BORCS5: variants seen among roughly 807,000 people sequenced by gnomAD.
BORCS5 encodes BLOC-1-related complex subunit 5.
BORCS5 carries 17 observed loss-of-function variants against 22.1 expected under a neutral mutation model. That is an observed-to-expected ratio of 0.77 (90% CI 0.53 to 1.15). BORCS5 has a LOEUF of 1.15. Among genes scored for constraint, BORCS5 ranks in the 50% most tolerant of loss-of-function variants. The pLI is 0.00. For synonymous variants in BORCS5, 117 were observed against 99.8 expected, an observed-to-expected ratio of 1.17 and a Z score of -1.03; for missense variants, 247 against 253.2, an observed-to-expected ratio of 0.98 and a Z score of 0.17.
intron 2 of BORCS5, among the ~76,000 whole-genome samples, chr12:12,388,702 C>T (rs796532844): frequency 5.6e-5 from 8 of 142,880 alleles, no homozygotes; most frequent in African/African-American, 1.7e-4. Context: ...ATCTGTGAGT[C>T]TGGTCTGAGG....
chr12:12,443,901 G>A (rs1213149614), intron 3 of BORCS5, among the ~76,000 whole-genome samples: 1 of 152,128 alleles, frequency 6.6e-6, no homozygotes. Context: ...AGTGTCAGAG[G>A]TCCCATGCAG....
chr12:12,454,177 A>G (rs1371934764), intron 3 of BORCS5, among the ~76,000 whole-genome samples: 1 of 152,184 alleles, frequency 6.6e-6, no homozygotes, highest in East Asian at 1.9e-4. Flanking sequence ...CATATAATTT[A>G]CTTCTCTTGG....
intron 3 of BORCS5, among the ~76,000 whole-genome samples, chr12:12,445,123 A>G (rs1942757017): frequency 6.6e-6 from 1 of 152,176 alleles, no homozygotes; most frequent in African/African-American, 2.4e-5. Context: ...AGCTTCCGGT[A>G]GCCTCAAACT....
chr12:12,413,526 C>T (rs1219561236), intron 2 of BORCS5, among the ~76,000 whole-genome samples: 2 of 149,206 alleles, frequency 1.3e-5, no homozygotes, highest in African/African-American at 5.0e-5. Context: ...GTTTTTTCCC[C>T]ACCCTTCCTG....
intron 3 of BORCS5, chr12:12,452,460 T>C: frequency 3.9e-6 from 2 of 508,172 alleles, no homozygotes; most frequent in South Asian, 1.5e-5. Context: ...CCATGATTGT[T>C]AAGATTAGGA....
intron 3 of BORCS5, among the ~76,000 whole-genome samples, chr12:12,438,819 G>A (rs1180462734): frequency 6.6e-6 from 1 of 152,004 alleles, no homozygotes; most frequent in Non-Finnish European, 1.5e-5. Flanking sequence ...AAATATTTAA[G>A]TATATATCTT....
rs188500305 is a variant in BORCS5, at chr12:12,383,020, T to C, written c.202+21671T>C. ...TATTGATCTGGTTAGATTTGCCTTT[T>C]TATTATTTCTTTTCTATACATTCTT... On this transcript the variant is annotated intron_variant, in intron 2 of 3. Coordinates refer to ENST00000314565, the MANE Select transcript of BORCS5 (RefSeq NM_058169.6). Among the ~76,000 whole-genome samples, 104 of 151,592 alleles carry C rather than the reference T, an allele frequency of 6.9e-4. 4 individuals are homozygous for C. The highest frequency in any genetic ancestry group is 2.5e-3 in the African/African-American group (104 of 41,332).
At chr12:12,428,875 A>G (rs1942353779) in intron 2 of BORCS5, among the ~76,000 whole-genome samples, 1 of 152,222 alleles carries the variant, frequency 6.6e-6, no homozygotes, top group Non-Finnish European at 1.5e-5. Context: ...TTTCATAATA[A>G]AGGGTAAAGC....
In BORCS5 at chr12:12,463,417, G is replaced by C. The variant is rs537517318; in HGVS notation, c.361-2129G>C. The stretch of plus-strand genomic sequence containing the variant: ...ATGTGATCTAGTCTTCTTTAATGCA[G>C]TGCCACGTGCCAACAAAAGTCTCAT... On this transcript the variant is annotated intron_variant, in intron 3 of 3. Transcript: ENST00000314565. 1.2e-4 allele frequency among the ~76,000 whole-genome samples: 19 copies of C among 152,292 alleles called. 1 individual carries two copies. Among genetic ancestry groups the C allele is most frequent in the Admixed American group, 1.2e-3 (19 of 15,298 alleles).
chr12:12,399,057 C>G (rs1349044013), intron 2 of BORCS5, among the ~76,000 whole-genome samples: 1 of 152,124 alleles, frequency 6.6e-6, no homozygotes, highest in Non-Finnish European at 1.5e-5. Context: ...GAGAGGCCTT[C>G]CTTCTTCCAG....
At chr12:12,388,129 G>T (rs7300993) in intron 2 of BORCS5, among the ~76,000 whole-genome samples, 15,807 of 151,280 alleles carry the variant, frequency 0.1, 1,319 homozygotes, top group East Asian at 0.23. Context: ...TTTGGTATCT[G>T]ATTATCAGTA....
chr12:12,366,587 CTG>C (rs1863411376), intron 2 of BORCS5, among the ~76,000 whole-genome samples: 1 of 152,120 alleles, frequency 6.6e-6, no homozygotes, highest in African/African-American at 2.4e-5. Context: ...CTACAAATGG[CTG>C]TGACAGAACA....
chr12:12,405,972 A>G (rs1388098637), intron 2 of BORCS5, among the ~76,000 whole-genome samples: 1 of 152,222 alleles, frequency 6.6e-6, no homozygotes, highest in Non-Finnish European at 1.5e-5. Context: ...CATGCCACAG[A>G]ACTGAGCCAC....
intron 2 of BORCS5, among the ~76,000 whole-genome samples, chr12:12,389,575 T>C (rs1436053433): frequency 1.3e-5 from 2 of 152,170 alleles, no homozygotes; most frequent in Non-Finnish European, 2.9e-5. Flanking sequence ...CCAATTCTGA[T>C]GCAGGTATGA....
At chr12:12,383,678 A>G (rs1863820947) in intron 2 of BORCS5, among the ~76,000 whole-genome samples, 1 of 149,954 alleles carries the variant, frequency 6.7e-6, no homozygotes, top group Admixed American at 6.6e-5. Flanking sequence ...AGCACTTTAT[A>G]TATGCCATTC....
At chr12:12,374,420 C>T (rs796763681) in intron 2 of BORCS5, among the ~76,000 whole-genome samples, 2 of 150,126 alleles carry the variant, frequency 1.3e-5, no homozygotes, top group African/African-American at 4.9e-5. Context: ...ATTACTTGAG[C>T]CCAGAAGTTT....
At chr12:12,395,067 C>T (rs894001987) in intron 2 of BORCS5, among the ~76,000 whole-genome samples, 4 of 151,768 alleles carry the variant, frequency 2.6e-5, no homozygotes, top group African/African-American at 7.3e-5. Context: ...TTGAGCTGAA[C>T]CTAAAAGGAC....
chr12:12,368,836 A>G (rs1287419121), intron 2 of BORCS5, among the ~76,000 whole-genome samples: 1 of 151,838 alleles, frequency 6.6e-6, no homozygotes, highest in Non-Finnish European at 1.5e-5. Context: ...CCACTTGTGT[A>G]TTATGTATTT....
chr12:12,380,258 G>GT (rs1344944270), intron 2 of BORCS5, among the ~76,000 whole-genome samples: 1 of 150,208 alleles, frequency 6.7e-6, no homozygotes, highest in Non-Finnish European at 1.5e-5. Context: ...CAGACATGAA[G>GT]TAAGCACCCT....
Sources: gnomAD v4.1 joint callset for allele counts (sites outside exome capture counted in the v4.1 genomes callset) on GRCh38, gnomAD v4.1.1 for gene constraint, MANE v1.5 for transcripts, NCBI Gene and HGNC (gene_info 2026-07-23, HGNC 2026-07-21) for gene names.